PRTFDC1: variants seen among roughly 807,000 people sequenced by gnomAD.
The protein encoded by PRTFDC1 is phosphoribosyltransferase domain-containing protein 1.
Under a neutral mutation model 34.6 loss-of-function variants are expected in PRTFDC1, and 38 were observed. The observed-to-expected ratio is 1.10, with a 90% CI of 0.85 to 1.44. The LOEUF (loss-of-function observed/expected upper bound fraction) is 1.44, where lower values mean the gene tolerates loss of function less well. Among genes scored for constraint, PRTFDC1 ranks in the 40% most tolerant of loss-of-function variants. The pLI is 0.00. For synonymous variants in PRTFDC1, 93 were observed against 98.1 expected, an observed-to-expected ratio of 0.95 and a Z score of 0.31; for missense variants, 270 against 283.0, an observed-to-expected ratio of 0.95 and a Z score of 0.33.
rs16925176 is a variant in PRTFDC1, at chr10:24,945,878, T to C, written c.49-3442A>G. 8.8e-3 allele frequency among the ~76,000 whole-genome samples: 1,338 copies of C among 152,292 alleles called. 65 individuals carry two copies. The highest frequency in any genetic ancestry group is 0.075 in the Admixed American group (1,141 of 15,306). On this transcript the variant is annotated intron_variant, in intron 1 of 8. Coordinates refer to ENST00000320152, the MANE Select transcript of PRTFDC1 (RefSeq NM_020200.7). ...TGCCACCCTGAGAACTCCTTGTACC[T>C]GCTATAACCTCTAACACTACAGCAG... is the stretch of plus-strand genomic sequence containing the variant.
At chr10:24,875,368 G>A (rs929650752) in intron 3 of PRTFDC1, among the ~76,000 whole-genome samples, 1 of 152,094 alleles carries the variant, frequency 6.6e-6, no homozygotes, top group Non-Finnish European at 1.5e-5. Context: ...CTATCTGCCT[G>A]TAACTTTGCA....
chr10:24,895,709 A>ATATATATATATC lies in PRTFDC1; in HGVS notation c.340-23647_340-23646insGATATATATATA, dbSNP rs1488684356. Among the ~76,000 whole-genome samples, 45 of 137,408 alleles carry ATATATATATATC rather than the reference A, an allele frequency of 3.3e-4. 1 individual carries two copies. The highest frequency in any genetic ancestry group is 6.1e-4 in the Non-Finnish European group (39 of 63,708). 90.1% of individuals were successfully genotyped at this position (137,408 alleles called of 152,430 possible). A position where few individuals can be genotyped will look rare whatever the true frequency, so the allele number is the denominator to read the frequency against. On this transcript the variant is annotated intron_variant, in intron 3 of 8. Transcript: ENST00000320152. ...GGTGGATATATATATATATATATAT[A>ATATATATATATC]TATATATATATATATATATCTGTAA...
At chr10:24,887,491 C>T (rs117728545) in intron 3 of PRTFDC1, among the ~76,000 whole-genome samples, 1,734 of 152,162 alleles carry the variant, frequency 0.011, 12 homozygotes, top group South Asian at 0.032. Context: ...CTCTGCACTT[C>T]TCCTTGCTGC....
intron 3 of PRTFDC1, among the ~76,000 whole-genome samples, chr10:24,919,193 T>C (rs1166939590): frequency 6.6e-6 from 1 of 152,118 alleles, no homozygotes; most frequent in African/African-American, 2.4e-5. Context: ...TAGAAAGATA[T>C]CTTAGGATAT....
intron 4 of PRTFDC1, among the ~76,000 whole-genome samples, chr10:24,863,794 G>A (rs1847726212): frequency 1.3e-5 from 2 of 152,014 alleles, no homozygotes; most frequent in Admixed American, 1.3e-4. Context: ...TCAGTGGAGA[G>A]GCCAAGGGCG....
Position 24,872,788 on chromosome 10 carries a change from G to GTA in PRTFDC1, c.340-727_340-726dup, listed in dbSNP as rs1555045487. The stretch of plus-strand genomic sequence containing the variant: ...TGTGTATATATATATGTGTGTGTGT[G>GTA]TATATATATATATATATATTTTTTT... On this transcript the variant is annotated intron_variant, in intron 3 of 8. Transcript: ENST00000320152. Among the ~76,000 whole-genome samples, 637 of 83,194 alleles carry GTA rather than the reference G, an allele frequency of 7.7e-3. 2 individuals are homozygous for GTA. Among genetic ancestry groups the GTA allele is most frequent in the Middle Eastern group, 0.021 (3 of 146 alleles). The allele number at this position is 83,194 out of a possible 152,430, so 54.6% of individuals were successfully genotyped here.
chr10:24,938,294 A>G (rs1289836875), intron 2 of PRTFDC1, among the ~76,000 whole-genome samples: 1 of 152,230 alleles, frequency 6.6e-6, no homozygotes, highest in Non-Finnish European at 1.5e-5. Context: ...TCCTCTCCAG[A>G]AAAGCAACTA....
intron 4 of PRTFDC1, among the ~76,000 whole-genome samples, chr10:24,871,069 TAAA>T (rs11314430): frequency 2.9e-5 from 3 of 103,082 alleles, no homozygotes; most frequent in African/African-American, 4.1e-5. Context: ...AGACTCTGTC[TAAA>T]AAAAAAAAAA....
chr10:24,899,439 T>C (rs935692071), intron 3 of PRTFDC1, among the ~76,000 whole-genome samples: 48 of 152,206 alleles, frequency 3.2e-4, no homozygotes, highest in Non-Finnish European at 8.8e-5. Flanking sequence ...CTTGGAGCTC[T>C]GTATAACTAT....
At chr10:24,886,943 G>T in intron 3 of PRTFDC1, among the ~76,000 whole-genome samples, 2 of 135,058 alleles carry the variant, frequency 1.5e-5, no homozygotes, top group Admixed American at 1.6e-4. Context: ...TTTGTATCTT[G>T]TTAATACTCC....
intron 4 of PRTFDC1, among the ~76,000 whole-genome samples, chr10:24,863,692 G>T (rs7903234): frequency 1.3e-5 from 2 of 151,970 alleles, no homozygotes; most frequent in African/African-American, 4.8e-5. Context: ...AGCATTCATC[G>T]TCCATGAGTG....
At chr10:24,888,968 G>A (rs1042047075) in intron 3 of PRTFDC1, among the ~76,000 whole-genome samples, 6 of 152,078 alleles carry the variant, frequency 3.9e-5, no homozygotes, top group Non-Finnish European at 7.4e-5. Flanking sequence ...TACTTCATCT[G>A]GAAAATGGAA....
intron 3 of PRTFDC1, among the ~76,000 whole-genome samples, chr10:24,890,588 A>T (rs1417007332): frequency 6.6e-6 from 1 of 152,090 alleles, no homozygotes; most frequent in Non-Finnish European, 1.5e-5. Context: ...TTTGTAAGGG[A>T]GGGAGGAGAA....
intron 2 of PRTFDC1, among the ~76,000 whole-genome samples, chr10:24,937,807 C>T (rs1849080006): frequency 6.6e-6 from 1 of 152,046 alleles, no homozygotes; most frequent in Non-Finnish European, 1.5e-5. Context: ...ACCTGGCCAC[C>T]TTGGCTTCCC....
chr10:24,933,252 C>T (rs1157005836), intron 3 of PRTFDC1, among the ~76,000 whole-genome samples: 1 of 151,732 alleles, frequency 6.6e-6, no homozygotes, highest in Non-Finnish European at 1.5e-5. Context: ...AAAGGACACA[C>T]TAGATTAACT....
intron 3 of PRTFDC1, among the ~76,000 whole-genome samples, chr10:24,889,943 T>G (rs533092606): frequency 2.0e-4 from 30 of 152,234 alleles, no homozygotes; most frequent in Non-Finnish European, 4.3e-4. Flanking sequence ...GGGCAAATTC[T>G]GTGTAAACAG....
At chr10:24,922,369 G>A (rs541138094) in intron 3 of PRTFDC1, among the ~76,000 whole-genome samples, 2 of 152,304 alleles carry the variant, frequency 1.3e-5, no homozygotes, top group South Asian at 4.1e-4. Flanking sequence ...TTACCGCATT[G>A]ATATGGTTTG....
At chr10:24,898,544 T>C (rs1001832162) in intron 3 of PRTFDC1, among the ~76,000 whole-genome samples, 16 of 150,854 alleles carry the variant, frequency 1.1e-4, no homozygotes, top group Admixed American at 7.9e-4. Flanking sequence ...CACTCTATAA[T>C]AGAACCAGGA....
At position 24,937,507 on chromosome 10, in the gene PRTFDC1, A is replaced by T. The variant is rs112646086; in HGVS notation, c.156-140T>A. On this transcript the variant is annotated intron_variant, in intron 2 of 8. Transcript: ENST00000320152. ...AACCTTGGGAAACAGAAACCCACCG[A>T]TAGAAAAGCTTTGTTAAGGTTGAAC... The T allele has an allele frequency of 3.8e-3, 2,422 of 644,324 alleles. 53 individuals carry two copies. The African/African-American group carries it at 0.041, about 11-fold the overall frequency. 39.9% of individuals were successfully genotyped at this position (644,324 alleles called of 1,614,324 possible). A position where few individuals can be genotyped will look rare whatever the true frequency, so the allele number is the denominator to read the frequency against.
Sources: allele counts gnomAD v4.1 joint callset (sites outside exome capture counted in the v4.1 genomes callset), GRCh38; gene constraint gnomAD v4.1.1; transcripts MANE v1.5; gene names NCBI Gene and HGNC (gene_info 2026-07-23, HGNC 2026-07-21).